Variants in GLIS3 observed in about 807,000 individuals in gnomAD.
GLIS3 encodes zinc finger protein GLIS3.
In GLIS3, 53 loss-of-function variants were observed where a neutral mutation model predicts 78.6. That is an observed-to-expected ratio of 0.67 (90% CI 0.54 to 0.85). The LOEUF is 0.85. GLIS3 is among the 40% of genes least tolerant of loss of function. The probability of loss-of-function intolerance (pLI) is 0.00; values close to 1 mark genes in which losing one functional copy is unlikely to be tolerated. For missense variants in GLIS3, 1,703 were observed against 1,231.1 expected (o/e 1.38, Z -5.74); for synonymous variants, 684 against 509.9 (o/e 1.34, Z -4.60).
At chr9:4,446,228 A>G in the GLIS3 span, among the ~76,000 whole-genome samples, 1 of 152,154 alleles carries the variant, frequency 6.6e-6, no homozygotes, top group Non-Finnish European at 1.5e-5. Context: ...TTAAGCCATG[A>G]GGGCTTTTCC....
the GLIS3 span, among the ~76,000 whole-genome samples, chr9:4,409,101 G>C: frequency 2.0e-5 from 3 of 152,102 alleles, no homozygotes; most frequent in Admixed American, 6.5e-5. Context: ...TCATAAACCA[G>C]TCTTGTATGG....
chr9:4,476,424 G>C, the GLIS3 span, among the ~76,000 whole-genome samples: 1 of 151,914 alleles, frequency 6.6e-6, no homozygotes. Context: ...TGCAATGGCA[G>C]GATCTCAGCT....
At chr9:4,093,590 T>C (rs1028930659) in intron 4 of GLIS3, among the ~76,000 whole-genome samples, 1 of 152,194 alleles carries the variant, frequency 6.6e-6, no homozygotes, top group Non-Finnish European at 1.5e-5. Context: ...ATGCTTATTA[T>C]GGGCTTGGCC....
the GLIS3 span, among the ~76,000 whole-genome samples, chr9:4,465,039 A>T: frequency 6.6e-6 from 1 of 152,248 alleles, no homozygotes; most frequent in African/African-American, 2.4e-5. Flanking sequence ...TCAGTGACAC[A>T]TTTCTTCAGA....
the GLIS3 span, among the ~76,000 whole-genome samples, chr9:4,456,881 AT>A: frequency 6.6e-6 from 1 of 152,214 alleles, no homozygotes; most frequent in Non-Finnish European, 1.5e-5. Context: ...TCCCAAAACA[AT>A]TGCAATACTA....
intron 4 of GLIS3, among the ~76,000 whole-genome samples, chr9:4,023,070 G>T (rs1823018155): frequency 6.6e-6 from 1 of 152,144 alleles, no homozygotes; most frequent in African/African-American, 2.4e-5. Flanking sequence ...ACTATACACA[G>T]ATAAAACTTC....
At chr9:4,418,273 A>C in the GLIS3 span, among the ~76,000 whole-genome samples, 5 of 152,236 alleles carry the variant, frequency 3.3e-5, no homozygotes, top group Admixed American at 6.5e-5. Context: ...TATTGCAAAA[A>C]AAGAGACTGG....
chr9:4,272,024 C>T (rs1826559554), intron 2 of GLIS3, among the ~76,000 whole-genome samples: 1 of 152,218 alleles, frequency 6.6e-6, no homozygotes, highest in Non-Finnish European at 1.5e-5. Flanking sequence ...CAGGCCATCA[C>T]AGAAGGCCTT....
chr9:4,481,142 C>T, the GLIS3 span, among the ~76,000 whole-genome samples: 10 of 152,128 alleles, frequency 6.6e-5, no homozygotes, highest in African/African-American at 2.2e-4. Flanking sequence ...AGGCATAAGC[C>T]ACCTCACCCA....
intron 8 of GLIS3, among the ~76,000 whole-genome samples, chr9:3,856,793 A>C (rs189236385): frequency 6.6e-6 from 1 of 152,194 alleles, no homozygotes; most frequent in Non-Finnish European, 1.5e-5. Flanking sequence ...CGTGCTTGGC[A>C]AAGAGTGTTC....
chr9:4,148,808 G>T (rs1834435682), intron 2 of GLIS3, among the ~76,000 whole-genome samples: 1 of 152,114 alleles, frequency 6.6e-6, no homozygotes, highest in African/African-American at 2.4e-5. Context: ...CAGAGAAATT[G>T]CTGAGAAGCC....
chr9:4,138,761 G>A (rs1833593094), intron 2 of GLIS3, among the ~76,000 whole-genome samples: 1 of 152,162 alleles, frequency 6.6e-6, no homozygotes, highest in South Asian at 2.1e-4. Context: ...GCTGTTTGGA[G>A]TATGAAATAA....
At position 3,825,243 on chromosome 9, in the gene GLIS3, T is replaced by A. The variant is rs1019271794; in HGVS notation, c.*3029A>T. On this transcript the variant is annotated 3_prime_UTR_variant, in exon 11 of 11. Transcript: ENST00000381971. Reference sequence around the variant, plus strand: ...GTGATCTACTAAAGACCTTTTTTTTTCTTCTTATTTTATGATCGCTTATGT... The same window carrying A: ...GTGATCTACTAAAGACCTTTTTTTTACTTCTTATTTTATGATCGCTTATGT... 6.6e-6 allele frequency: 1 copy of A among 152,270 alleles called. No individual in the cohort carries two copies. The highest frequency in any genetic ancestry group is 1.9e-4 in the East Asian group (1 of 5,188). 9.4% of individuals were successfully genotyped at this position (152,270 alleles called of 1,614,324 possible). A position where few individuals can be genotyped will look rare whatever the true frequency, so the allele number is the denominator to read the frequency against.
chr9:4,034,774 C>A (rs1824167053), intron 4 of GLIS3: 1 of 152,206 alleles, frequency 6.6e-6, no homozygotes, highest in African/African-American at 2.4e-5. Context: ...AAGAGTTCAA[C>A]AGCACAATTC....
the GLIS3 span, among the ~76,000 whole-genome samples, chr9:4,382,511 C>T: frequency 6.6e-6 from 1 of 152,158 alleles, no homozygotes; most frequent in Non-Finnish European, 1.5e-5. Flanking sequence ...CATCATCTTG[C>T]TTAGTCTGAA....
At chr9:4,316,582 C>T (rs138142288) in intron 2 of GLIS3, among the ~76,000 whole-genome samples, 133 of 152,248 alleles carry the variant, frequency 8.7e-4, no homozygotes, top group African/African-American at 1.3e-3. Context: ...CCGGTTTCCA[C>T]CCATACCCCA....
the GLIS3 span, among the ~76,000 whole-genome samples, chr9:4,483,293 A>G: frequency 1.6e-3 from 250 of 152,320 alleles, 1 homozygote; most frequent in African/African-American, 4.3e-3. Flanking sequence ...TTAGTGCCCA[A>G]TGGAGCACAG....
chr9:4,315,206 T>C (rs1160555564), intron 2 of GLIS3, among the ~76,000 whole-genome samples: 2 of 152,174 alleles, frequency 1.3e-5, no homozygotes, highest in Non-Finnish European at 2.9e-5. Flanking sequence ...CCCAGATGCA[T>C]TTCCTAGTGG....
the GLIS3 span, among the ~76,000 whole-genome samples, chr9:4,408,581 G>A: frequency 6.6e-6 from 1 of 150,684 alleles, no homozygotes; most frequent in Admixed American, 6.6e-5. Flanking sequence ...AGAAAAATTA[G>A]CCGGGCGCGG....
Sources: allele counts gnomAD v4.1 joint callset (sites outside exome capture counted in the v4.1 genomes callset), GRCh38; gene constraint gnomAD v4.1.1; transcripts MANE v1.5; gene names NCBI Gene and HGNC (gene_info 2026-07-23, HGNC 2026-07-21).